Variants in SPTBN5 observed in about 807,000 individuals in gnomAD.
SPTBN5 encodes spectrin beta, non-erythrocytic 5.
SPTBN5 carries 513 observed loss-of-function variants against 477.6 expected under a neutral mutation model. The observed-to-expected ratio is 1.07, with a 90% CI of 1.00 to 1.16. The LOEUF (loss-of-function observed/expected upper bound fraction) is 1.16, where lower values mean the gene tolerates loss of function less well. Among genes scored for constraint, SPTBN5 ranks in the 50% most tolerant of loss-of-function variants. The probability of loss-of-function intolerance (pLI) is 0.00; values close to 1 mark genes in which losing one functional copy is unlikely to be tolerated. For synonymous variants in SPTBN5, 2,169 were observed against 2,011.7 expected, an observed-to-expected ratio of 1.08 and a Z score of -2.09; for missense variants, 5,062 against 4,731.8, an observed-to-expected ratio of 1.07 and a Z score of -2.05.
At chr15:41,857,991 AAG>A (rs560091713) in intron 49 of SPTBN5, among the ~76,000 whole-genome samples, 147 of 152,296 alleles carry the variant, frequency 9.7e-4, no homozygotes, top group African/African-American at 3.2e-3. Flanking sequence ...GCAGGTGGAA[AAG>A]AGAATGTTTT....
chr15:41,856,251 A>G (rs1266683343), intron 53 of SPTBN5, 135 bp downstream of exon 53: 1 of 797,520 alleles, frequency 1.3e-6, no homozygotes, highest in Non-Finnish European at 1.9e-6. Flanking sequence ...TGTGGAAGGA[A>G]GCCCTTGGGG....
rs779467165 is a variant in SPTBN5 at position 41,862,129 on chromosome 15, C to T, written c.7548+1G>A. On this transcript the variant is annotated splice_donor_variant, in intron 44 of 67. Coordinates refer to ENST00000320955, the MANE Select transcript of SPTBN5 (RefSeq NM_016642.4). LOFTEE classifies it high-confidence loss of function. ...AAGGCTTGGGCCAGCTGCCCATTCA[C>T]CTTGCACTCCTGATGCTCTTCTAAC... is the stretch of plus-strand genomic sequence containing the variant. 2 of 1,566,200 alleles carry T rather than the reference C, an allele frequency of 1.3e-6. No individual in the cohort carries two copies. Among genetic ancestry groups the T allele is most frequent in the African/African-American group, 2.7e-5 (2 of 73,728 alleles).
chr15:41,861,936 T>C lies in SPTBN5; in HGVS notation c.7549-13A>G. On this transcript the variant is annotated splice_polypyrimidine_tract_variant and intron_variant, in intron 44 of 67. Coordinates refer to ENST00000320955, the MANE Select transcript of SPTBN5 (RefSeq NM_016642.4). ...AGTCCAGCTCGGCCTGGAACAGGAC[T>C]GGGCTCAGATCACTGGGGGCTGGAA... is the stretch of plus-strand genomic sequence containing the variant. 6.3e-7 allele frequency: 1 copy of C among 1,593,198 alleles called. No individual in the cohort carries two copies. Among genetic ancestry groups the C allele is most frequent in the South Asian group, 1.1e-5 (1 of 88,540 alleles).
chr15:41,878,403 C>T lies in SPTBN5; in HGVS notation c.3409G>A (p.Ala1137Thr). Residue 1137 changes from alanine (A) to threonine (T), a missense_variant, in exon 17 of 68, where the codon GCT (alanine) becomes ACT (threonine). Ala to Thr is a moderately conservative substitution (Grantham distance 58, BLOSUM62 0). Coordinates refer to ENST00000320955, the MANE Select transcript of SPTBN5 (RefSeq NM_016642.4). ...TGGTGCTCCCTCAGCAGCCGCTGAG[C>T]CGAGGCCACATCCACTGACACCTCC... ...SKEVSVDVAS[A>T]QRLLREHQDL... is the part of the protein sequence containing the mutation. 1 of 1,613,812 alleles carries T rather than the reference C, an allele frequency of 6.2e-7. No individual in the cohort carries two copies. Among genetic ancestry groups the T allele is most frequent in the Non-Finnish European group, 8.5e-7 (1 of 1,179,898 alleles).
intron 53 of SPTBN5, among the ~76,000 whole-genome samples, chr15:41,856,099 T>G (rs1426500236): frequency 1.3e-5 from 2 of 152,268 alleles, no homozygotes; most frequent in African/African-American, 4.8e-5. Context: ...ACAATTGTAT[T>G]CACCATTGTG....
intron 67 of SPTBN5, 80 bp downstream of exon 67, chr15:41,849,789 C>T: frequency 1.7e-6 from 2 of 1,153,230 alleles, no homozygotes; most frequent in Non-Finnish European, 1.3e-6. Context: ...GGCCCAGAAC[C>T]TCAGGCTTCA....
chr15:41,887,949 T>C lies in SPTBN5; in HGVS notation c.638A>G (p.Asn213Ser), dbSNP rs774344294. Residue 213 changes from asparagine to serine, a missense_variant, in exon 5 of 68, where the codon AAT (asparagine) becomes AGT (serine). Coordinates refer to ENST00000320955, the MANE Select transcript of SPTBN5 (RefSeq NM_016642.4). ...ACACCTGTGGGCATGGATGAGGGCA[T>C]TGAAGCCCAGCCCATCGCTCCAGCT... ...SRSWSDGLGF[N>S]ALIHAHRPDL... 2.8e-5 allele frequency: 45 copies of C among 1,609,914 alleles called. No homozygotes were observed. The highest frequency in any genetic ancestry group is 1.6e-4 in the African/African-American group (12 of 74,900).
At position 41,855,348 on chromosome 15, in the gene SPTBN5, C is replaced by T. The variant is rs1391046386; in HGVS notation, c.9299G>A (p.Gly3100Asp). ...LLRRAEARGH[G>D]LQEQLQLHQL... ...GTGTAGCTGCAGCTGCTCCTGCAGG[C>T]CGTGCCCCCTGGCCTCCGCCCTCCG... The change falls in exon 55 of 68, where the codon GGC becomes GAC. Residue 3100 changes from glycine (G) to aspartate (D), a missense_variant. By Grantham distance (94) the Gly-to-Asp change is moderately conservative. Transcript: ENST00000320955. The T allele has an allele frequency of 6.2e-7, 1 of 1,606,560 alleles. No individual in the cohort carries two copies.
chr15:41,876,800 C>G lies in SPTBN5; in HGVS notation c.3851+9G>C, dbSNP rs749384232. 1 of 1,609,828 alleles carries G rather than the reference C, an allele frequency of 6.2e-7. No individual in the cohort carries two copies. On this transcript the variant is annotated intron_variant, in intron 19 of 67. Transcript: ENST00000320955. ...ATCTGCAGGTGCTGCAGACTGAGGC[C>G]AGGCTCACGTGTGTGCAGCTGGGTG... is the stretch of plus-strand genomic sequence containing the variant.
rs2066833290 is a variant in SPTBN5, at chr15:41,878,649, G to A, written c.3183-20C>T. The A allele has an allele frequency of 1.2e-6, 2 of 1,601,426 alleles. No homozygotes were observed. Among genetic ancestry groups the A allele is most frequent in the Non-Finnish European group, 1.7e-6 (2 of 1,174,184 alleles). On this transcript the variant is annotated intron_variant, in intron 16 of 67. Transcript: ENST00000320955. ...TCGACCCTGGGAGACAGGGTGCGCT[G>A]CACAGTCAGTGCCCTGTCCTGGGCC... is the stretch of plus-strand genomic sequence containing the variant.
intron 36 of SPTBN5, 45 bp downstream of exon 36, chr15:41,866,914 A>C: frequency 6.6e-7 from 1 of 1,519,460 alleles, no homozygotes; most frequent in Non-Finnish European, 8.8e-7. Flanking sequence ...AAAACTGTCG[A>C]GTGTGGTTCC....
rs760203032 is a variant in SPTBN5, at chr15:41,878,416, C to A, written c.3396G>T (p.Val1132=). Residue 1132 remains valine (V), a synonymous_variant, in exon 17 of 68, where the codon GTG becomes GTT. Transcript: ENST00000320955. ...GCAGCCGCTGAGCCGAGGCCACATC[C>A]ACTGACACCTCCTTGCTGCGCAGCT... ...QAQLRSKEVS[V]DVASAQRLLR... is the part of the protein sequence containing the mutation. 2 of 1,613,842 alleles carry A rather than the reference C, an allele frequency of 1.2e-6. No individual in the cohort carries two copies. Among genetic ancestry groups the A allele is most frequent in the Non-Finnish European group, 1.7e-6 (2 of 1,179,896 alleles).
rs2065816974 is a variant in SPTBN5 at position 41,852,846 on chromosome 15, A to C, written c.10325T>G (p.Leu3442Arg). The C allele has an allele frequency of 6.2e-7, 1 of 1,606,250 alleles. No homozygotes were observed. Among genetic ancestry groups the C allele is most frequent in the Non-Finnish European group, 8.5e-7 (1 of 1,175,326 alleles). Residue 3442 changes from leucine to arginine, a missense_variant, in exon 60 of 68, where the codon CTC becomes CGC. Leu to Arg is a moderately radical substitution (Grantham distance 102). Transcript: ENST00000320955. The part of the protein sequence containing the change: ...AEAWLACWEG[L>R]LLKPDYGHSV... Reference sequence around the variant, plus strand: ...CACCCCATAGTCGGGCTTCAGCAGGAGTCCCTCCCAGCAGGCCAGCCAGGC... The same window carrying C: ...CACCCCATAGTCGGGCTTCAGCAGGCGTCCCTCCCAGCAGGCCAGCCAGGC...
intron 46 of SPTBN5, among the ~76,000 whole-genome samples, 160 bp from the exon 47 acceptor site, chr15:41,860,918 A>G (rs928966600): frequency 6.6e-6 from 1 of 152,250 alleles, no homozygotes; most frequent in African/African-American, 2.4e-5. Flanking sequence ...TTCCAGCTTT[A>G]GGACAGTGAT....
At chr15:41,877,451 T>A (rs1296695649) in intron 17 of SPTBN5, 95 bp from the exon 18 acceptor site, 3 of 1,468,364 alleles carry the variant, frequency 2.0e-6, no homozygotes, top group Admixed American at 2.1e-5. Flanking sequence ...TCTTGGATCA[T>A]GAATGAGACA....
chr15:41,877,048 G>T (rs530005088), intron 18 of SPTBN5, 68 bp downstream of exon 18: 6 of 1,600,924 alleles, frequency 3.7e-6, no homozygotes, highest in African/African-American at 1.3e-5. Context: ...CTGGCTTCTG[G>T]ACTCAAGGGG....
chr15:41,865,931 C>T (rs754899234), intron 38 of SPTBN5, 28 bp from the exon 39 acceptor site: 7 of 1,552,622 alleles, frequency 4.5e-6, no homozygotes, highest in South Asian at 2.4e-5. Context: ...GGGGAGGGAG[C>T]GCTGTGAGCA....
chr15:41,873,421 G>T, intron 26 of SPTBN5, 71 bp downstream of exon 26: 1 of 1,166,254 alleles, frequency 8.6e-7, no homozygotes, highest in Non-Finnish European at 1.2e-6. Context: ...GAGAGAGGGA[G>T]GGTGACAGCC....
chr15:41,868,332 C>A, intron 33 of SPTBN5, 66 bp downstream of exon 33: 2 of 1,564,474 alleles, frequency 1.3e-6, no homozygotes, highest in Non-Finnish European at 1.7e-6. Context: ...TAGGACGGGG[C>A]ACCAGGTGGC....
Sources: gnomAD v4.1 joint callset for allele counts (sites outside exome capture counted in the v4.1 genomes callset) on GRCh38, gnomAD v4.1.1 for gene constraint, MANE v1.5 for transcripts, NCBI Gene and HGNC (gene_info 2026-07-23, HGNC 2026-07-21) for gene names.